Variants in CEP63 observed in about 807,000 individuals in gnomAD.
CEP63 encodes centrosomal protein 63, also known as centrosomal protein of 63 kDa.
In CEP63, 84 loss-of-function variants were observed where a neutral mutation model predicts 89.1. The ratio of observed to expected loss-of-function variants is 0.94; its 90% CI spans 0.79 to 1.13. CEP63 has a LOEUF of 1.13. Ranked by LOEUF, CEP63 falls within the 50% of genes most tolerant of loss-of-function variation. CEP63 has a pLI of 0.00. For missense variants in CEP63, 838 were observed against 813.3 expected (o/e 1.03, Z -0.37); for synonymous variants, 267 against 272.5 (o/e 0.98, Z 0.20).
chr3:134,509,099 C>T (rs1240949355), intron 3 of CEP63, among the ~76,000 whole-genome samples: 2 of 151,752 alleles, frequency 1.3e-5, no homozygotes. Flanking sequence ...TTGTATTAGT[C>T]TGTTCTCACA....
chr3:134,589,956 T>C (rs942040034), downstream of CEP63, among the ~76,000 whole-genome samples: 3 of 152,168 alleles, frequency 2.0e-5, no homozygotes, highest in Non-Finnish European at 4.4e-5. Flanking sequence ...GAAACATGGA[T>C]GGAGCTGGAG....
the CEP63 span, among the ~76,000 whole-genome samples, chr3:134,634,333 CTT>C: frequency 1.1e-4 from 17 of 152,148 alleles, 1 homozygote; most frequent in African/African-American, 4.1e-4. Context: ...GACTCCCACT[CTT>C]TGATTTTAAG....
chr3:134,740,801 A>G, the CEP63 span, among the ~76,000 whole-genome samples: 2 of 152,204 alleles, frequency 1.3e-5, no homozygotes, highest in East Asian at 3.9e-4. Flanking sequence ...ACTCTCCTAA[A>G]GCAACGAGGG....
intron 11 of CEP63, among the ~76,000 whole-genome samples, chr3:134,550,952 A>C (rs186782226): frequency 6.6e-6 from 1 of 152,162 alleles, no homozygotes; most frequent in Non-Finnish European, 1.5e-5. Flanking sequence ...ATTGTATTTG[A>C]TTGGCAGGGA....
chr3:134,500,513 A>C (rs1559875126), intron 2 of CEP63, among the ~76,000 whole-genome samples: 1 of 152,210 alleles, frequency 6.6e-6, no homozygotes, highest in African/African-American at 2.4e-5. Context: ...TTATTTGAGA[A>C]ATCTCCAAAC....
chr3:134,493,504 AT>A (rs1357659325), intron 1 of CEP63, among the ~76,000 whole-genome samples: 9 of 151,994 alleles, frequency 5.9e-5, no homozygotes, highest in Non-Finnish European at 4.4e-5. Flanking sequence ...TATTTTTGCA[AT>A]TTTGGTGTAA....
the CEP63 span, among the ~76,000 whole-genome samples, chr3:134,620,484 G>T: frequency 6.6e-6 from 1 of 152,212 alleles, no homozygotes; most frequent in Non-Finnish European, 1.5e-5. Flanking sequence ...GAAGGCTGCT[G>T]CTGGATGAAG....
chr3:134,618,881 C>T, the CEP63 span, among the ~76,000 whole-genome samples: 98 of 152,262 alleles, frequency 6.4e-4, no homozygotes, highest in African/African-American at 2.0e-3. Context: ...TGGGAGAAGG[C>T]GGAAAAAGGG....
At chr3:134,595,492 G>C in the CEP63 span, among the ~76,000 whole-genome samples, 1 of 152,182 alleles carries the variant, frequency 6.6e-6, no homozygotes, top group Non-Finnish European at 1.5e-5. Context: ...CTACCTTTAA[G>C]CTGGGATTGG....
chr3:134,694,613 G>A, the CEP63 span, among the ~76,000 whole-genome samples: 1 of 152,240 alleles, frequency 6.6e-6, no homozygotes, highest in Non-Finnish European at 1.5e-5. Flanking sequence ...CCTAGGACAA[G>A]GAACAGGCTC....
At chr3:134,661,520 A>G in the CEP63 span, among the ~76,000 whole-genome samples, 621 of 152,308 alleles carry the variant, frequency 4.1e-3, 2 homozygotes, top group African/African-American at 0.015. Context: ...CCTAGAAGAT[A>G]GTGTGTAGAT....
the CEP63 span, among the ~76,000 whole-genome samples, chr3:134,666,455 T>C: frequency 6.6e-6 from 1 of 152,292 alleles, no homozygotes; most frequent in African/African-American, 2.4e-5. Context: ...ATGCCAAGCA[T>C]TGGTCCCCCA....
intron 3 of CEP63, among the ~76,000 whole-genome samples, chr3:134,511,683 C>T (rs759701879): frequency 2.6e-5 from 4 of 152,134 alleles, no homozygotes; most frequent in Non-Finnish European, 4.4e-5. Context: ...GAAGAGGAAG[C>T]AGGCACATTT....
the CEP63 span, among the ~76,000 whole-genome samples, chr3:134,651,840 A>G: frequency 4.6e-5 from 7 of 152,190 alleles, no homozygotes; most frequent in African/African-American, 1.7e-4. Context: ...TGCCCAGCCA[A>G]CAGCAGCAGG....
the CEP63 span, among the ~76,000 whole-genome samples, chr3:134,712,323 T>G: frequency 6.6e-6 from 1 of 152,324 alleles, no homozygotes; most frequent in South Asian, 2.1e-4. Flanking sequence ...TTTTTGGAAC[T>G]CCCGTTGTCA....
rs199930556 is a variant in CEP63 at position 134,557,376 on chromosome 3, GTTTTTTTTTTT to G, written c.1468-748_1468-738del. Among the ~76,000 whole-genome samples, 743 of 101,518 alleles carry G rather than the reference GTTTTTTTTTTT, an allele frequency of 7.3e-3. 21 individuals carry two copies. Among genetic ancestry groups the G allele is most frequent in the African/African-American group, 0.034 (686 of 20,344 alleles). The allele number at this position is 101,518 out of a possible 152,430, so 66.6% of individuals were successfully genotyped here. A position where few individuals can be genotyped will look rare whatever the true frequency, so the allele number is the denominator to read the frequency against. The stretch of plus-strand genomic sequence containing the variant: ...CTTGACCAGCTTACTTTCATAATTT[GTTTTTTTTTTT>G]TTTTTTTTTTTTTTTTTACAGAAAA... On this transcript the variant is annotated intron_variant, in intron 12 of 14. Transcript: ENST00000675561.
chr3:134,550,547 G>A (rs185554264), intron 11 of CEP63, among the ~76,000 whole-genome samples: 3 of 152,278 alleles, frequency 2.0e-5, no homozygotes, highest in East Asian at 1.9e-4. Flanking sequence ...AGGTGTGATA[G>A]CAAAGCTAAG....
chr3:134,538,555 G>GTATATATATA (rs1322990322), intron 6 of CEP63, among the ~76,000 whole-genome samples: 2 of 42,502 alleles, frequency 4.7e-5, no homozygotes, highest in Non-Finnish European at 1.2e-4. Flanking sequence ...ATATATATAT[G>GTATATATATA]TATATATATA....
chr3:134,564,397 A>G lies in CEP63; in HGVS notation c.*2862A>G, dbSNP rs1008151114. 2 of 985,244 alleles carry G rather than the reference A, an allele frequency of 2.0e-6. No homozygotes were observed. The highest frequency in any genetic ancestry group is 1.7e-5 in the African/African-American group (1 of 57,180). 61.0% of individuals were successfully genotyped at this position (985,244 alleles called of 1,614,324 possible). A position where few individuals can be genotyped will look rare whatever the true frequency, so the allele number is the denominator to read the frequency against. ...TTATCTGGCTTGGCAAAGCTTTCCC[A>G]TATCCCCTGACCCATGTCAGGGAAC... is the stretch of plus-strand genomic sequence containing the variant. On this transcript the variant is annotated 3_prime_UTR_variant, in exon 15 of 15. Coordinates refer to ENST00000675561, the MANE Select transcript of CEP63 (RefSeq NM_001353108.3).
Sources: gnomAD v4.1 joint callset for allele counts (sites outside exome capture counted in the v4.1 genomes callset) on GRCh38, gnomAD v4.1.1 for gene constraint, MANE v1.5 for transcripts, NCBI Gene and HGNC (gene_info 2026-07-23, HGNC 2026-07-21) for gene names.